The following CD160 variants were observed in gnomAD, a reference collection of about 807,000 sequenced individuals.
CD160 encodes CD160 molecule, also known as CD160 antigen.
A neutral mutation model predicts 19.2 loss-of-function variants in CD160; 11 were observed. That is an observed-to-expected ratio of 0.57 (90% CI 0.36 to 0.95). The LOEUF is 0.95. CD160 is among the 40% of genes least tolerant of loss of function. The pLI, the probability that CD160 is intolerant of heterozygous loss-of-function variation, is 0.01. For synonymous variants in CD160, 75 were observed against 81.1 expected, an observed-to-expected ratio of 0.93 and a Z score of 0.40; for missense variants, 182 against 213.2, an observed-to-expected ratio of 0.85 and a Z score of 0.91.
chr1:145,733,758 C>G (rs1370411729), intron 4 of CD160, among the ~76,000 whole-genome samples: 2 of 152,052 alleles, frequency 1.3e-5, no homozygotes, highest in Non-Finnish European at 2.9e-5. Context: ...TTTCCTCCTC[C>G]CACCTCTCAA....
intron 1 of CD160, among the ~76,000 whole-genome samples, chr1:145,721,023 C>A (rs587644705): frequency 4.1e-4 from 62 of 152,334 alleles, no homozygotes; most frequent in African/African-American, 1.5e-3. Flanking sequence ...CACCCTCCCC[C>A]CTGCCCGCGC....
chr1:145,737,685 G>A (rs1657549689), intron 5 of CD160: 1 of 148,220 alleles, frequency 6.7e-6, no homozygotes, highest in Admixed American at 6.8e-5. Flanking sequence ...ATTATAAAGG[G>A]GAAATTGAGT....
At chr1:145,735,155 T>C (rs1441826430) in intron 4 of CD160, among the ~76,000 whole-genome samples, 1 of 152,150 alleles carries the variant, frequency 6.6e-6, no homozygotes, top group African/African-American at 2.4e-5. Context: ...TGCCATTTAC[T>C]GAGTGCTTAC....
intron 4 of CD160, among the ~76,000 whole-genome samples, chr1:145,733,143 T>A (rs1279375024): frequency 1.3e-5 from 2 of 152,114 alleles, no homozygotes; most frequent in Middle Eastern, 3.2e-3. Flanking sequence ...TCTTTTTCTT[T>A]GATTTTTTGA....
At chr1:145,721,095 T>A (rs1656822334) in intron 1 of CD160, among the ~76,000 whole-genome samples, 2 of 151,970 alleles carry the variant, frequency 1.3e-5, no homozygotes, top group Non-Finnish European at 2.9e-5. Flanking sequence ...CCCGGAAAAT[T>A]CCCAGACTTC....
In CD160 at chr1:145,728,334, T is replaced by C. The variant is rs782246650; in HGVS notation, c.7T>C (p.Leu3=). 6 of 1,612,582 alleles carry C rather than the reference T, an allele frequency of 3.7e-6. No homozygotes were observed. Among genetic ancestry groups the C allele is most frequent in the Non-Finnish European group, 5.1e-6 (6 of 1,179,318 alleles). The change falls in exon 3 of 6, where the codon TTG becomes CTG. Residue 3 remains leucine, a synonymous_variant. Transcript: ENST00000369288. ML[L]EPGRGCCALA... ...CCTGCTGACAGCGTGCAGGATGCTG[T>C]TGGAACCCGGCAGAGGCTGCTGTGC...
chr1:145,723,116 A>T (rs1334426423), intron 1 of CD160, among the ~76,000 whole-genome samples: 5 of 152,194 alleles, frequency 3.3e-5, no homozygotes, highest in African/African-American at 1.2e-4. Context: ...AGGTATGATA[A>T]CACAGGAGAA....
At chr1:145,730,212 C>T (rs1312401251) in intron 3 of CD160, among the ~76,000 whole-genome samples, 4 of 152,006 alleles carry the variant, frequency 2.6e-5, no homozygotes, top group Admixed American at 6.6e-5. Flanking sequence ...GTTAGCTATT[C>T]GGAAGGCGGA....
At chr1:145,734,680 T>G (rs1034030484) in intron 4 of CD160, among the ~76,000 whole-genome samples, 13 of 152,226 alleles carry the variant, frequency 8.5e-5, no homozygotes, top group African/African-American at 2.9e-4. Context: ...GTTGTGAAGA[T>G]TCTCCCTAAG....
At chr1:145,736,499 G>A (rs1322849945) in intron 5 of CD160, 5 of 353,072 alleles carry the variant, frequency 1.4e-5, no homozygotes, top group Non-Finnish European at 5.4e-6. Flanking sequence ...GACTTGGTTT[G>A]GAGATGGGTT....
chr1:145,738,164 A>G (rs1031249954), intron 5 of CD160: 8 of 198,176 alleles, frequency 4.0e-5, no homozygotes, highest in Non-Finnish European at 8.1e-5. Flanking sequence ...CACTGTGCCA[A>G]CAATTCAGAG....
chr1:145,721,596 C>T (rs1481965104), intron 1 of CD160, among the ~76,000 whole-genome samples: 1 of 152,044 alleles, frequency 6.6e-6, no homozygotes, highest in Non-Finnish European at 1.5e-5. Context: ...TCCTTGGAAG[C>T]GGTCCCTACC....
At position 145,724,827 on chromosome 1, in the gene CD160, G is replaced by A. The variant is rs1414975032; in HGVS notation, c.-152G>A. The A allele has an allele frequency of 6.6e-6, 1 of 152,026 alleles. No homozygotes were observed. Among genetic ancestry groups the A allele is most frequent in the Non-Finnish European group, 1.5e-5 (1 of 68,022 alleles). 9.4% of individuals were successfully genotyped at this position (152,026 alleles called of 1,614,324 possible). On this transcript the variant is annotated 5_prime_UTR_variant, in exon 2 of 6. Coordinates refer to ENST00000369288, the MANE Select transcript of CD160 (RefSeq NM_007053.4). ...GTCTCACTGTCAACCAGGCCAGAGT[G>A]CAGTGAAGATCATACCTCACTACAT...
rs1407497147 is a variant in CD160, at chr1:145,724,825, G to C, written c.-154G>C. 4 of 152,080 alleles carry C rather than the reference G, an allele frequency of 2.6e-5. No individual in the cohort carries two copies. Among genetic ancestry groups the C allele is most frequent in the Non-Finnish European group, 5.9e-5 (4 of 68,044 alleles). The allele number at this position is 152,080 out of a possible 1,614,324, so 9.4% of individuals were successfully genotyped here. ...GGGTCTCACTGTCAACCAGGCCAGAGTGCAGTGAAGATCATACCTCACTAC... is the reference window on the plus strand; with the variant it reads ...GGGTCTCACTGTCAACCAGGCCAGACTGCAGTGAAGATCATACCTCACTAC... On this transcript the variant is annotated 5_prime_UTR_variant, in exon 2 of 6. Transcript: ENST00000369288.
chr1:145,734,289 A>G (rs1553709808), intron 4 of CD160, among the ~76,000 whole-genome samples: 2 of 152,158 alleles, frequency 1.3e-5, no homozygotes, highest in Non-Finnish European at 2.9e-5. Flanking sequence ...AGGGCCTAGC[A>G]CTGAGCTGTT....
At chr1:145,720,804 G>C (rs1245800685) in intron 1 of CD160, among the ~76,000 whole-genome samples, 2 of 152,210 alleles carry the variant, frequency 1.3e-5, no homozygotes, top group Non-Finnish European at 2.9e-5. Flanking sequence ...ATGTGAGGCT[G>C]AGTGAGGTCC....
In CD160 at chr1:145,723,380, C is replaced by T. The variant is rs1308514543; in HGVS notation, c.-178-1421C>T. ...GGTTGCTATAATGAATGGAACTTTT[C>T]CTTCTACCATATTTTCTGACTAATA... On this transcript the variant is annotated intron_variant, in intron 1 of 5. Coordinates refer to ENST00000369288, the MANE Select transcript of CD160 (RefSeq NM_007053.4). 2.0e-5 allele frequency among the ~76,000 whole-genome samples: 3 copies of T among 152,026 alleles called. No individual in the cohort carries two copies. The South Asian group carries it at 6.2e-4, about 32-fold the overall frequency.
intron 1 of CD160, among the ~76,000 whole-genome samples, chr1:145,720,204 T>C (rs1553707624): frequency 6.6e-6 from 1 of 152,244 alleles, no homozygotes; most frequent in African/African-American, 2.4e-5. Context: ...CAACAGTTAT[T>C]AGGCTGATGT....
At chr1:145,737,303 T>C (rs1553710347) in intron 5 of CD160, 3 of 150,026 alleles carry the variant, frequency 2.0e-5, no homozygotes, top group Non-Finnish European at 3.0e-5. Context: ...CAGCAATTAA[T>C]ACAGATCCTT....
Sources: gnomAD v4.1 joint callset for allele counts (sites outside exome capture counted in the v4.1 genomes callset) on GRCh38, gnomAD v4.1.1 for gene constraint, MANE v1.5 for transcripts, NCBI Gene and HGNC (gene_info 2026-07-23, HGNC 2026-07-21) for gene names.